Variants in PPM1G observed in about 807,000 individuals in gnomAD.
PPM1G encodes protein phosphatase, Mg2+/Mn2+ dependent 1G.
A neutral mutation model predicts 59.4 loss-of-function variants in PPM1G; 12 were observed. The observed-to-expected ratio is 0.20, with a 90% CI of 0.13 to 0.33. The LOEUF (loss-of-function observed/expected upper bound fraction) is 0.33, where lower values mean the gene tolerates loss of function less well. PPM1G is among the 10% of genes least tolerant of loss of function. The pLI is 1.00. For missense variants in PPM1G, 392 were observed against 681.3 expected (o/e 0.58, Z 4.73); for synonymous variants, 245 against 251.9 (o/e 0.97, Z 0.26).
intron 1 of PPM1G, among the ~76,000 whole-genome samples, chr2:27,392,281 GTTTTGTTT>G (rs1683923547): frequency 1.3e-5 from 1 of 78,788 alleles, no homozygotes; most frequent in African/African-American, 5.7e-5. Context: ...TTGTTGGTTT[GTTTTGTTT>G]TTTTTTTTTT....
chr2:27,397,726 C>T (rs997734828), intron 1 of PPM1G, among the ~76,000 whole-genome samples: 1 of 152,126 alleles, frequency 6.6e-6, no homozygotes, highest in Non-Finnish European at 1.5e-5. Flanking sequence ...AAAATTAGCC[C>T]AGTATGGTGG....
At chr2:27,393,856 G>A (rs1232405387) in intron 1 of PPM1G, among the ~76,000 whole-genome samples, 5 of 152,070 alleles carry the variant, frequency 3.3e-5, no homozygotes, top group Non-Finnish European at 7.4e-5. Context: ...TCCGCCTTCC[G>A]GGTTCACGCC....
intron 1 of PPM1G, among the ~76,000 whole-genome samples, chr2:27,395,439 G>A (rs150732130): frequency 0.014 from 2,064 of 152,026 alleles, 60 homozygotes; most frequent in African/African-American, 0.045. Context: ...TGGGGCATGA[G>A]AATCACTTGA....
intron 1 of PPM1G, among the ~76,000 whole-genome samples, chr2:27,388,565 C>CA (rs1378425981): frequency 1.3e-5 from 2 of 151,996 alleles, no homozygotes; most frequent in Non-Finnish European, 2.9e-5. Context: ...TGGTTAAAAG[C>CA]AAAAAGTTAA....
At chr2:27,388,000 T>C (rs893111173) in intron 1 of PPM1G, among the ~76,000 whole-genome samples, 2 of 149,974 alleles carry the variant, frequency 1.3e-5, no homozygotes, top group African/African-American at 2.4e-5. Context: ...GGGTTTCACC[T>C]TGTTAGCCAG....
In PPM1G at chr2:27,392,946, C is replaced by T. The variant is rs904845463; in HGVS notation, c.121-5788G>A. The T allele has an allele frequency of 8.8e-6, 13 of 1,483,432 alleles. No individual in the cohort carries two copies. The Middle Eastern group carries it at 6.9e-4, about 78-fold the overall frequency. The allele number at this position is 1,483,432 out of a possible 1,614,324, so 91.9% of individuals were successfully genotyped here. ...GGTAATGTGTCTCAATGAAGTCACA[C>T]AAATGGGGGTCATTTTTGTCAGTGG... On this transcript the variant is annotated intron_variant, in intron 1 of 9. Coordinates refer to ENST00000344034, the MANE Select transcript of PPM1G (RefSeq NM_177983.3).
At chr2:27,397,507 C>T (rs1472868365) in intron 1 of PPM1G, among the ~76,000 whole-genome samples, 1 of 152,108 alleles carries the variant, frequency 6.6e-6, no homozygotes, top group African/African-American at 2.4e-5. Context: ...AAGACTTATA[C>T]ACCAAAAAAA....
Position 27,385,032 on chromosome 2 carries a change from G to C in PPM1G, c.466C>G (p.Leu156Val). 1 of 1,613,742 alleles carries C rather than the reference G, an allele frequency of 6.2e-7. No individual in the cohort carries two copies. The highest frequency in any genetic ancestry group is 8.5e-7 in the Non-Finnish European group (1 of 1,179,992). Reference sequence around the variant, plus strand: ...CAGTTCTGCCCGTAGCGTGTCAGCAGCTCTTCAATAGTCATGGTAGCCTCT... The same window carrying C: ...CAGTTCTGCCCGTAGCGTGTCAGCACCTCTTCAATAGTCATGGTAGCCTCT... ...HEEATMTIEE[L>V]LTRYGQNCHK... Residue 156 changes from leucine (L) to valine (V), a missense_variant, in exon 5 of 10, where the codon CTG becomes GTG. Coordinates refer to ENST00000344034, the MANE Select transcript of PPM1G (RefSeq NM_177983.3). This position sits in a 1 kb window ranked among gnomAD's most constrained non-coding sequence, Gnocchi z 4.1.
intron 2 of PPM1G, 99 bp from the exon 3 acceptor site, chr2:27,386,378 G>T: frequency 2.3e-6 from 2 of 863,350 alleles, no homozygotes; most frequent in Non-Finnish European, 1.9e-6. Flanking sequence ...CCCAAGGGTT[G>T]AGGGGATAAA....
intron 1 of PPM1G, among the ~76,000 whole-genome samples, chr2:27,391,226 G>A (rs144451273): frequency 1.0e-3 from 154 of 152,274 alleles, no homozygotes; most frequent in Admixed American, 2.8e-3. Context: ...GGGTCTAATG[G>A]TAGTTCCACT....
chr2:27,395,741 G>A (rs1684036989), intron 1 of PPM1G, among the ~76,000 whole-genome samples: 1 of 151,914 alleles, frequency 6.6e-6, no homozygotes, highest in Non-Finnish European at 1.5e-5. Flanking sequence ...CCTATGTGGA[G>A]GCTGAGGTGG....
Position 27,409,360 on chromosome 2 carries a change from C to T in PPM1G, c.63G>A (p.Pro21=). 1 of 1,541,556 alleles carries T rather than the reference C, an allele frequency of 6.5e-7. No individual in the cohort carries two copies. The highest frequency in any genetic ancestry group is 8.7e-7 in the Non-Finnish European group (1 of 1,143,418). The change falls in exon 1 of 10, where the codon CCG becomes CCA. Residue 21 remains proline (P), a synonymous_variant. Coordinates refer to ENST00000344034, the MANE Select transcript of PPM1G (RefSeq NM_177983.3). ...AGAAGCCGTAGGGCAGCGGCAGGCG[C>T]GGGGCGCCGACCCCGTCCCCGGAGC... is the stretch of plus-strand genomic sequence containing the variant. ...VKCSGDGVGA[P]RLPLPYGFSA... is the part of the protein sequence containing the mutation.
intron 1 of PPM1G, among the ~76,000 whole-genome samples, chr2:27,398,225 C>G (rs980120781): frequency 6.6e-6 from 1 of 152,122 alleles, no homozygotes; most frequent in African/African-American, 2.4e-5. Flanking sequence ...CAATTTATCT[C>G]TGACAATGAT....
chr2:27,400,295 G>A (rs771430750), intron 1 of PPM1G, among the ~76,000 whole-genome samples: 9 of 152,118 alleles, frequency 5.9e-5, no homozygotes, highest in Non-Finnish European at 8.8e-5. Flanking sequence ...CCAGCTACTC[G>A]GGAGGCTGAG....
At position 27,386,423 on chromosome 2, in the gene PPM1G, CTGTT is replaced by C. The variant is rs1683763584; in HGVS notation, c.191-148_191-145del. 3 of 552,998 alleles carry C rather than the reference CTGTT, an allele frequency of 5.4e-6. No homozygotes were observed. The South Asian group carries it at 7.9e-5, about 15-fold the overall frequency. 34.3% of individuals were successfully genotyped at this position (552,998 alleles called of 1,614,324 possible). A position where few individuals can be genotyped will look rare whatever the true frequency, so the allele number is the denominator to read the frequency against. On this transcript the variant is annotated intron_variant, in intron 2 of 9. Coordinates refer to ENST00000344034, the MANE Select transcript of PPM1G (RefSeq NM_177983.3). Reference sequence around the variant, plus strand: ...ACCCCTGAACCCTATTTGAAGGACACTGTTTGGGGAAGTTCTGATCCAAAAAAAT... The same window carrying C: ...ACCCCTGAACCCTATTTGAAGGACACTGGGGAAGTTCTGATCCAAAAAAAT...
chr2:27,382,266 A>G lies in PPM1G; in HGVS notation c.1332-38T>C. ...ACAACAGTCAGAATCTTCCAGTCTC[A>G]CTAAGGCAGCGTAGAGGAGTATGGA... On this transcript the variant is annotated intron_variant, in intron 8 of 9. Coordinates refer to ENST00000344034, the MANE Select transcript of PPM1G (RefSeq NM_177983.3). This position sits in a 1 kb window ranked among gnomAD's most constrained non-coding sequence, Gnocchi z 4.2. 1 of 1,601,556 alleles carries G rather than the reference A, an allele frequency of 6.2e-7. No individual in the cohort carries two copies. The highest frequency in any genetic ancestry group is 2.2e-5 in the East Asian group (1 of 44,824).
Position 27,382,021 on chromosome 2 carries a change from A to C in PPM1G, c.1434+105T>G. On this transcript the variant is annotated intron_variant, in intron 9 of 9. Transcript: ENST00000344034. The surrounding 1 kb of genome is among the most constrained non-coding windows in gnomAD (Gnocchi z 4.2). ...TTGGAGTCGGGGTTTAGCGTCTGTCAGCAATTACTGATAATGCTCCCAGAT... is the reference window on the plus strand; with the variant it reads ...TTGGAGTCGGGGTTTAGCGTCTGTCCGCAATTACTGATAATGCTCCCAGAT... 8.3e-7 allele frequency: 1 copy of C among 1,207,516 alleles called. No homozygotes were observed. The highest frequency in any genetic ancestry group is 1.2e-6 in the Non-Finnish European group (1 of 827,006). 74.8% of individuals were successfully genotyped at this position (1,207,516 alleles called of 1,614,324 possible). A position where few individuals can be genotyped will look rare whatever the true frequency, so the allele number is the denominator to read the frequency against.
intron 1 of PPM1G, among the ~76,000 whole-genome samples, chr2:27,397,562 A>G (rs1684081433): frequency 6.6e-6 from 1 of 152,212 alleles, no homozygotes; most frequent in Admixed American, 6.5e-5. Context: ...AATGCAATAT[A>G]GCGTATCGGT....
chr2:27,394,005 A>G (rs1272777958), intron 1 of PPM1G, among the ~76,000 whole-genome samples: 1 of 151,700 alleles, frequency 6.6e-6, no homozygotes, highest in Non-Finnish European at 1.5e-5. Flanking sequence ...CTCGTGATCC[A>G]CCTGCCTCGG....
Sources: gnomAD v4.1 joint callset for allele counts (sites outside exome capture counted in the v4.1 genomes callset) on GRCh38, gnomAD v4.1.1 for gene constraint, Gnocchi (gnomAD v3.1) non-coding constraint, MANE v1.5 for transcripts, NCBI Gene and HGNC (gene_info 2026-07-23, HGNC 2026-07-21) for gene names.